The following OR51Q1 variants were observed in gnomAD, a reference collection of about 807,000 sequenced individuals.
OR51Q1 encodes olfactory receptor 51Q1.
For missense variants in OR51Q1, 501 were observed against 397.1 expected (o/e 1.26, Z -2.22); for synonymous variants, 187 against 151.7 (o/e 1.23, Z -1.71).
rs1850381312 is a variant in OR51Q1, at chr11:5,423,076, C to A, written c.876C>A (p.Ile292=). 1 of 1,614,134 alleles carries A rather than the reference C, an allele frequency of 6.2e-7. No homozygotes were observed. The highest frequency in any genetic ancestry group is 8.5e-7 in the Non-Finnish European group (1 of 1,180,026). Residue 292 remains isoleucine (I), a synonymous_variant, in exon 1 of 1, where the codon ATC becomes ATA. Coordinates refer to ENST00000300778, the MANE Select transcript of OR51Q1 (RefSeq NM_001004757.2). ...TGGCACCCCCGGTGATGAACCCCAT[C>A]ATTTACAGTGTAAAGAACAAGCAGA... The part of the protein sequence containing the change: ...YLLAPPVMNP[I]IYSVKNKQIQ...
chr11:5,422,509 T>C lies in OR51Q1; in HGVS notation c.309T>C (p.Phe103=), dbSNP rs2736587. 648,474 of 1,613,270 alleles carry C rather than the reference T, an allele frequency of 0.4. 133,881 individuals carry two copies. Among genetic ancestry groups the C allele is most frequent in the East Asian group, 0.68 (30,613 of 44,854 alleles). Residue 103 remains phenylalanine (F), a synonymous_variant, in exon 1 of 1, where the codon TTT becomes TTC. Transcript: ENST00000300778. ...GCTCTGAGGCCTGTTTTGCTCAGTT[T>C]TTCTTCCTTCATGGATTCTCCTTTA... ...RISSEACFAQ[F]FFLHGFSFME...
Position 5,422,633 on chromosome 11 carries a change from A to G in OR51Q1, c.433A>G (p.Arg145Gly). 1 of 1,613,986 alleles carries G rather than the reference A, an allele frequency of 6.2e-7. No homozygotes were observed. The highest frequency in any genetic ancestry group is 8.5e-7 in the Non-Finnish European group (1 of 1,179,910). The stretch of plus-strand genomic sequence containing the variant: ...CATCCTCACCAATGAAGTCATTGGT[A>G]GAACTGGGTTAGCCATCATTTGCTG... ...ASILTNEVIG[R>G]TGLAIICCCV... Residue 145 changes from arginine (R) to glycine (G), a missense_variant, in exon 1 of 1, where the codon AGA becomes GGA. Coordinates refer to ENST00000300778, the MANE Select transcript of OR51Q1 (RefSeq NM_001004757.2).
Position 5,422,670 on chromosome 11 carries a change from C to T in OR51Q1, c.470C>T (p.Ala157Val), listed in dbSNP as rs372386488. The change falls in exon 1 of 1, where the codon GCG becomes GTG. Residue 157 changes from alanine (A) to valine (V), a missense_variant. By Grantham distance (64) the Ala-to-Val change is moderately conservative. Coordinates refer to ENST00000300778, the MANE Select transcript of OR51Q1 (RefSeq NM_001004757.2). Reference protein sequence around the residue: ...GLAIICCCVLAVLPSLFLLKR... With the variant: ...GLAIICCCVLVVLPSLFLLKR... ...GCCATCATTTGCTGCTGTGTTCTGGCGGTTCTTCCCTCCCTTTTCTTACTC... is the reference window on the plus strand; with the variant it reads ...GCCATCATTTGCTGCTGTGTTCTGGTGGTTCTTCCCTCCCTTTTCTTACTC... 1.6e-5 allele frequency: 26 copies of T among 1,613,880 alleles called. No individual in the cohort carries two copies. Among genetic ancestry groups the T allele is most frequent in the Middle Eastern group, 1.6e-4 (1 of 6,084 alleles).
chr11:5,422,846 A>G lies in OR51Q1; in HGVS notation c.646A>G (p.Ile216Val). 2.5e-6 allele frequency: 4 copies of G among 1,614,130 alleles called. No individual in the cohort carries two copies. The highest frequency in any genetic ancestry group is 1.7e-5 in the Admixed American group (1 of 60,014). Residue 216 changes from isoleucine (I) to valine (V), a missense_variant, in exon 1 of 1, where the codon ATT becomes GTT. Coordinates refer to ENST00000300778, the MANE Select transcript of OR51Q1 (RefSeq NM_001004757.2). ...CATTATTATCGTGGATCCTCTGCTC[A>G]TTGTGATCTCCTATACACTTATTCT... ...LLIIIVDPLL[I>V]VISYTLILKN...
rs753174001 is a variant in OR51Q1 at position 5,422,628 on chromosome 11, T to C, written c.428T>C (p.Ile143Thr). The change falls in exon 1 of 1, where the codon ATT becomes ACT. Residue 143 changes from isoleucine to threonine, a missense_variant. Physicochemically the swap from Ile to Thr is moderately conservative, Grantham distance 89. Transcript: ENST00000300778. The part of the protein sequence containing the change: ...HYASILTNEV[I>T]GRTGLAIICC... ...GCCTCCATCCTCACCAATGAAGTCATTGGTAGAACTGGGTTAGCCATCATT... is the reference window on the plus strand; with the variant it reads ...GCCTCCATCCTCACCAATGAAGTCACTGGTAGAACTGGGTTAGCCATCATT... 12 of 1,614,008 alleles carry C rather than the reference T, an allele frequency of 7.4e-6. No homozygotes were observed. The highest frequency in any genetic ancestry group is 1.0e-5 in the Non-Finnish European group (12 of 1,180,024).
rs1850360220 is a variant in OR51Q1 at position 5,422,545 on chromosome 11, T to C, written c.345T>C (p.Ser115=). The C allele has an allele frequency of 6.2e-7, 1 of 1,614,064 alleles. No individual in the cohort carries two copies. Reference sequence around the variant, plus strand: ...ATGGATTCTCCTTTATGGAGTCTTCTGTCCTCCTGGCTATGTCCGTTGACT... The same window carrying C: ...ATGGATTCTCCTTTATGGAGTCTTCCGTCCTCCTGGCTATGTCCGTTGACT... ...FLHGFSFMES[S]VLLAMSVDCY... The change falls in exon 1 of 1, where the codon TCT becomes TCC. Residue 115 remains serine, a synonymous_variant. Coordinates refer to ENST00000300778, the MANE Select transcript of OR51Q1 (RefSeq NM_001004757.2).
Position 5,422,374 on chromosome 11 carries a change from C to G in OR51Q1, c.174C>G (p.His58Gln). The change falls in exon 1 of 1, where the codon CAC (histidine) becomes CAG (glutamine). Residue 58 changes from histidine (H) to glutamine (Q), a missense_variant. Coordinates refer to ENST00000300778, the MANE Select transcript of OR51Q1 (RefSeq NM_001004757.2). ...LTVIRTEPSV[H>Q]QRMYLFLSML... ...TCATTCGCACAGAGCCATCTGTCCACCAGCGCATGTATCTGTTTCTCTCCA... is the reference window on the plus strand; with the variant it reads ...TCATTCGCACAGAGCCATCTGTCCAGCAGCGCATGTATCTGTTTCTCTCCA... The G allele has an allele frequency of 6.2e-7, 1 of 1,614,202 alleles. No homozygotes were observed. Among genetic ancestry groups the G allele is most frequent in the Non-Finnish European group, 8.5e-7 (1 of 1,180,042 alleles).
Position 5,422,656 on chromosome 11 carries a change from C to G in OR51Q1, c.456C>G (p.Cys152Trp). The G allele has an allele frequency of 6.2e-7, 1 of 1,614,080 alleles. No individual in the cohort carries two copies. The highest frequency in any genetic ancestry group is 8.5e-7 in the Non-Finnish European group (1 of 1,179,980). ...VIGRTGLAII[C>W]CCVLAVLPSL... The stretch of plus-strand genomic sequence containing the variant: ...GTAGAACTGGGTTAGCCATCATTTG[C>G]TGCTGTGTTCTGGCGGTTCTTCCCT... Residue 152 changes from cysteine (C) to tryptophan (W), a missense_variant, in exon 1 of 1, where the codon TGC (cysteine) becomes TGG (tryptophan). Physicochemically the swap from Cys to Trp is radical, Grantham distance 215. Coordinates refer to ENST00000300778, the MANE Select transcript of OR51Q1 (RefSeq NM_001004757.2).
rs770271928 is a variant in OR51Q1 at position 5,422,880 on chromosome 11, T to C, written c.680T>C (p.Ile227Thr). The C allele has an allele frequency of 1.2e-6, 2 of 1,614,116 alleles. No homozygotes were observed. Among genetic ancestry groups the C allele is most frequent in the South Asian group, 1.1e-5 (1 of 91,074 alleles). The change falls in exon 1 of 1, where the codon ATC (isoleucine) becomes ACC (threonine). Residue 227 changes from isoleucine (I) to threonine (T), a missense_variant. Ile to Thr is a moderately conservative substitution (Grantham distance 89). Transcript: ENST00000300778. ...TCCTATACACTTATTCTGAAAAATA[T>C]CTTGGGCACAGCCACCTGGGCTGAG... ...VISYTLILKN[I>T]LGTATWAERL... is the part of the protein sequence containing the mutation.
chr11:5,423,085 T>G lies in OR51Q1; in HGVS notation c.885T>G (p.Ser295Arg). The G allele has an allele frequency of 6.2e-7, 1 of 1,613,800 alleles. No homozygotes were observed. The highest frequency in any genetic ancestry group is 8.5e-7 in the Non-Finnish European group (1 of 1,179,860). ...CGGTGATGAACCCCATCATTTACAG[T>G]GTAAAGAACAAGCAGATCCAATGGG... ...APPVMNPIIYSVKNKQIQWGM... is the reference protein window; with the variant it reads ...APPVMNPIIYRVKNKQIQWGM... The change falls in exon 1 of 1, where the codon AGT (serine) becomes AGG (arginine). Residue 295 changes from serine to arginine, a missense_variant. Ser to Arg is a moderately radical substitution (Grantham distance 110). Transcript: ENST00000300778.
In OR51Q1 at chr11:5,422,866, T is replaced by C. The variant is rs1850373478; in HGVS notation, c.666T>C (p.Leu222=). 6.2e-7 allele frequency: 1 copy of C among 1,614,158 alleles called. No individual in the cohort carries two copies. The highest frequency in any genetic ancestry group is 1.3e-5 in the African/African-American group (1 of 75,044). ...DPLLIVISYT[L]ILKNILGTAT... Reference sequence around the variant, plus strand: ...TGCTCATTGTGATCTCCTATACACTTATTCTGAAAAATATCTTGGGCACAG... The same window carrying C: ...TGCTCATTGTGATCTCCTATACACTCATTCTGAAAAATATCTTGGGCACAG... Residue 222 remains leucine (L), a synonymous_variant, in exon 1 of 1, where the codon CTT becomes CTC. Coordinates refer to ENST00000300778, the MANE Select transcript of OR51Q1 (RefSeq NM_001004757.2).
Position 5,422,501 on chromosome 11 carries a change from G to A in OR51Q1, c.301G>A (p.Ala101Thr). The A allele has an allele frequency of 3.1e-6, 5 of 1,614,116 alleles. No homozygotes were observed. The highest frequency in any genetic ancestry group is 4.2e-6 in the Non-Finnish European group (5 of 1,180,010). ...VRRISSEACF[A>T]QFFFLHGFSF... ...TAGAATCAGCTCTGAGGCCTGTTTT[G>A]CTCAGTTTTTCTTCCTTCATGGATT... is the stretch of plus-strand genomic sequence containing the variant. Residue 101 changes from alanine (A) to threonine (T), a missense_variant, in exon 1 of 1, where the codon GCT becomes ACT. Coordinates refer to ENST00000300778, the MANE Select transcript of OR51Q1 (RefSeq NM_001004757.2).
At position 5,422,954 on chromosome 11, in the gene OR51Q1, G is replaced by C; in HGVS notation, c.754G>C (p.Val252Leu). Reference protein sequence around the residue: ...NCLSHILAVLVLYIPMVGVSM... With the variant: ...NCLSHILAVLLLYIPMVGVSM... ...CCTGTCCCACATTCTAGCTGTCCTG[G>C]TCCTCTACATTCCCATGGTTGGTGT... Residue 252 changes from valine (V) to leucine (L), a missense_variant, in exon 1 of 1, where the codon GTC (valine) becomes CTC (leucine). Coordinates refer to ENST00000300778, the MANE Select transcript of OR51Q1 (RefSeq NM_001004757.2). 6.2e-7 allele frequency: 1 copy of C among 1,614,030 alleles called. No homozygotes were observed.
At position 5,422,676 on chromosome 11, in the gene OR51Q1, T is replaced by C. The variant is rs1850365846; in HGVS notation, c.476T>C (p.Leu159Pro). The change falls in exon 1 of 1, where the codon CTT (leucine) becomes CCT (proline). Residue 159 changes from leucine (L) to proline (P), a missense_variant. By Grantham distance (98) the Leu-to-Pro change is moderately conservative. Transcript: ENST00000300778. ...AIICCCVLAV[L>P]PSLFLLKRLP... ...ATTTGCTGCTGTGTTCTGGCGGTTC[T>C]TCCCTCCCTTTTCTTACTCAAGCGA... The C allele has an allele frequency of 6.2e-7, 1 of 1,613,970 alleles. No individual in the cohort carries two copies.
Position 5,422,529 on chromosome 11 carries a change from C to G in OR51Q1, c.329C>G (p.Ser110Cys). Residue 110 changes from serine (S) to cysteine (C), a missense_variant, in exon 1 of 1, where the codon TCC (serine) becomes TGC (cysteine). Transcript: ENST00000300778. Reference protein sequence around the residue: ...FAQFFFLHGFSFMESSVLLAM... With the variant: ...FAQFFFLHGFCFMESSVLLAM... ...CAGTTTTTCTTCCTTCATGGATTCT[C>G]CTTTATGGAGTCTTCTGTCCTCCTG... The G allele has an allele frequency of 6.2e-7, 1 of 1,614,160 alleles. No individual in the cohort carries two copies.
rs1006473131 is a variant in OR51Q1 at position 5,422,447 on chromosome 11, G to C, written c.247G>C (p.Val83Leu). Reference sequence around the variant, plus strand: ...TCTCACCCTCACCACCCTACCCACAGTCATGCAGCTTCTCTGGTTCAACGT... The same window carrying C: ...TCTCACCCTCACCACCCTACCCACACTCATGCAGCTTCTCTGGTTCAACGT... ...LGLTLTTLPT[V>L]MQLLWFNVRR... Residue 83 changes from valine to leucine, a missense_variant, in exon 1 of 1, where the codon GTC (valine) becomes CTC (leucine). Coordinates refer to ENST00000300778, the MANE Select transcript of OR51Q1 (RefSeq NM_001004757.2). 6.2e-7 allele frequency: 1 copy of C among 1,614,160 alleles called. No individual in the cohort carries two copies. The highest frequency in any genetic ancestry group is 1.1e-5 in the South Asian group (1 of 91,084).
Position 5,422,634 on chromosome 11 carries a change from G to GA in OR51Q1, c.436dup (p.Thr146AsnfsTer48). The GA allele has an allele frequency of 1.2e-6, 2 of 1,614,040 alleles. No homozygotes were observed. The highest frequency in any genetic ancestry group is 1.7e-6 in the Non-Finnish European group (2 of 1,179,982). On this transcript the variant is annotated frameshift_variant, in exon 1 of 1. Coordinates refer to ENST00000300778, the MANE Select transcript of OR51Q1 (RefSeq NM_001004757.2). LOFTEE classifies it low-confidence loss of function (END_TRUNC). ...ATCCTCACCAATGAAGTCATTGGTA[G>GA]AACTGGGTTAGCCATCATTTGCTGC... is the stretch of plus-strand genomic sequence containing the variant.
Position 5,422,603 on chromosome 11 carries a change from G to A in OR51Q1, c.403G>A (p.Ala135Thr). 1.2e-6 allele frequency: 2 copies of A among 1,614,000 alleles called. No homozygotes were observed. The highest frequency in any genetic ancestry group is 1.7e-6 in the Non-Finnish European group (2 of 1,179,978). The change falls in exon 1 of 1, where the codon GCC (alanine) becomes ACC (threonine). Residue 135 changes from alanine (A) to threonine (T), a missense_variant. Coordinates refer to ENST00000300778, the MANE Select transcript of OR51Q1 (RefSeq NM_001004757.2). ...GGCCATCTGCTGTCCCCTCCATTAT[G>A]CCTCCATCCTCACCAATGAAGTCAT... ...YVAICCPLHY[A>T]SILTNEVIGR...
In OR51Q1 at chr11:5,422,603, G is replaced by T; in HGVS notation, c.403G>T (p.Ala135Ser). Residue 135 changes from alanine (A) to serine (S), a missense_variant, in exon 1 of 1, where the codon GCC becomes TCC. Ala to Ser is a moderately conservative substitution (Grantham distance 99). Coordinates refer to ENST00000300778, the MANE Select transcript of OR51Q1 (RefSeq NM_001004757.2). ...GGCCATCTGCTGTCCCCTCCATTAT[G>T]CCTCCATCCTCACCAATGAAGTCAT... ...YVAICCPLHY[A>S]SILTNEVIGR... 2 of 1,614,000 alleles carry T rather than the reference G, an allele frequency of 1.2e-6. No homozygotes were observed. The highest frequency in any genetic ancestry group is 1.7e-6 in the Non-Finnish European group (2 of 1,179,978).
Sources: allele counts gnomAD v4.1 joint callset, GRCh38; gene constraint gnomAD v4.1.1; transcripts MANE v1.5; gene names NCBI Gene and HGNC (gene_info 2026-07-23, HGNC 2026-07-21).